AMOT: variants seen among roughly 807,000 people sequenced by gnomAD.
The protein encoded by AMOT is angiomotin.
AMOT carries 11 observed loss-of-function variants against 67.0 expected under a neutral mutation model. That is an observed-to-expected ratio of 0.16 (90% CI 0.10 to 0.27). AMOT has a LOEUF of 0.27. Ranked by LOEUF, AMOT falls within the 10% of genes least tolerant of loss-of-function variation. AMOT has a pLI of 1.00. For synonymous variants in AMOT, 326 were observed against 321.4 expected (o/e 1.01, Z -0.15); for missense variants, 753 against 852.0 (o/e 0.88, Z 1.45).
intron 1 of AMOT, among the ~76,000 whole-genome samples, chrX:112,835,919 A>C (rs1664095407): frequency 9.0e-6 from 1 of 111,296 alleles, no homozygotes; most frequent in African/African-American, 3.3e-5. Context: ...TGTATACCAC[A>C]CCTTTGTTAT....
intron 5 of AMOT, among the ~76,000 whole-genome samples, chrX:112,814,858 C>T (rs1219384157): frequency 8.9e-6 from 1 of 111,870 alleles, no homozygotes; most frequent in East Asian, 2.8e-4. Flanking sequence ...AGAACTCCCA[C>T]TAGGAAAAAG....
At chrX:112,831,560 T>C (rs761189013) in intron 2 of AMOT, among the ~76,000 whole-genome samples, 28 of 109,976 alleles carry the variant, frequency 2.5e-4, no homozygotes, top group Non-Finnish European at 4.4e-4. Context: ...AAAACAGAGG[T>C]ATGAGCTAAT....
chrX:112,815,580 G>T lies in AMOT; in HGVS notation c.1170C>A (p.His390Gln), dbSNP rs1338847715. The change falls in exon 5 of 14, where the codon CAC becomes CAA. Residue 390 changes from histidine to glutamine, a missense_variant. Transcript: ENST00000371959. ...GCTGCTGCTGCTGCTGTTGTTGGTGGTGATGGTGATGATGGTGCTGCTGCT... is the reference window on the plus strand; with the variant it reads ...GCTGCTGCTGCTGCTGTTGTTGGTGTTGATGGTGATGATGGTGCTGCTGCT... ...QQQQQHHHHH[H>Q]HQQQQQQQPQ... 3 of 1,208,229 alleles carry T rather than the reference G, an allele frequency of 2.5e-6. No homozygotes were observed. In the Admixed American group the frequency reaches 6.6e-5, roughly 27 times the overall value.
At chrX:112,797,383 T>G (rs1933858448) in intron 8 of AMOT, among the ~76,000 whole-genome samples, 1 of 111,364 alleles carries the variant, frequency 9.0e-6, no homozygotes, top group African/African-American at 3.3e-5. Context: ...TATACACACA[T>G]GCATGCACAT....
rs771883549 is a variant in AMOT at position 112,808,913 on chromosome X, A to AC, written c.1630+980dup. On this transcript the variant is annotated intron_variant, in intron 7 of 13. Coordinates refer to ENST00000371959, the MANE Select transcript of AMOT (RefSeq NM_001113490.2). Reference sequence around the variant, plus strand: ...GGTACAGGGAAAAGAAAAAGAAAAAACCTGTTCTGAAACCAGAGCACAACA... The same window carrying AC: ...GGTACAGGGAAAAGAAAAAGAAAAAACCCTGTTCTGAAACCAGAGCACAACA... Among the ~76,000 whole-genome samples, 25 of 112,157 alleles carry AC rather than the reference A, an allele frequency of 2.2e-4. No individual in the cohort carries two copies. The South Asian group carries it at 8.2e-3, about 37-fold the overall frequency.
intron 5 of AMOT, among the ~76,000 whole-genome samples, chrX:112,812,791 G>A: frequency 8.9e-6 from 1 of 112,059 alleles, no homozygotes; most frequent in Non-Finnish European, 1.9e-5. Flanking sequence ...GGACACTAGG[G>A]GAAAGGTAAG....
chrX:112,833,260 C>G (rs1423784079), intron 1 of AMOT, among the ~76,000 whole-genome samples: 2 of 110,908 alleles, frequency 1.8e-5, no homozygotes, highest in Non-Finnish European at 3.8e-5. Flanking sequence ...ATCTCAGAAG[C>G]AAGTACTCAC....
rs1932970913 is a variant in AMOT, at chrX:112,777,570, T to G, written c.*997A>C. 2 of 112,468 alleles carry G rather than the reference T, an allele frequency of 1.8e-5. No homozygotes were observed. The highest frequency in any genetic ancestry group is 3.2e-5 in the African/African-American group (1 of 30,918). The allele number at this position is 112,468 out of a possible 1,213,427, so 9.3% of individuals were successfully genotyped here. A position where few individuals can be genotyped will look rare whatever the true frequency, so the allele number is the denominator to read the frequency against. On this transcript the variant is annotated 3_prime_UTR_variant, in exon 14 of 14. Coordinates refer to ENST00000371959, the MANE Select transcript of AMOT (RefSeq NM_001113490.2). ...AAGTAGTCACCAGAAATTCAAAGCA[T>G]TCAACCTGTCAACAAAGATCCTTCC...
intron 8 of AMOT, among the ~76,000 whole-genome samples, chrX:112,803,315 C>T (rs1934071349): frequency 1.8e-5 from 2 of 111,579 alleles, no homozygotes; most frequent in South Asian, 7.6e-4. Flanking sequence ...GCTACTTCTT[C>T]GCAGCAGGTC....
intron 10 of AMOT, among the ~76,000 whole-genome samples, chrX:112,784,750 C>T (rs1933314057): frequency 8.9e-6 from 1 of 112,464 alleles, no homozygotes; most frequent in Admixed American, 9.4e-5. Flanking sequence ...GGAAGCAATT[C>T]CTGTACTGCA....
At position 112,791,974 on chromosome X, in the gene AMOT, T is replaced by C. The variant is rs756257626; in HGVS notation, c.1784A>G (p.Lys595Arg). ...KVVKLEEELK[K>R]KQVYVDKVEK... ...CACCTTGTCAACGTACACTTGCTTC[T>C]TTTTCAGCTGGAAATCCATGTTGGG... Residue 595 changes from lysine (K) to arginine (R), a missense_variant, in exon 9 of 14, where the codon AAG becomes AGG. Coordinates refer to ENST00000371959, the MANE Select transcript of AMOT (RefSeq NM_001113490.2). 4 of 1,208,753 alleles carry C rather than the reference T, an allele frequency of 3.3e-6. No individual in the cohort carries two copies. The highest frequency in any genetic ancestry group is 4.5e-6 in the Non-Finnish European group (4 of 894,476).
Position 112,836,895 on chromosome X carries a change from GAA to G in AMOT, c.-289+3555_-289+3556del, listed in dbSNP as rs5903402. 5.4e-3 allele frequency among the ~76,000 whole-genome samples: 547 copies of G among 101,676 alleles called. 8 individuals are homozygous for G. Among genetic ancestry groups the G allele is most frequent in the African/African-American group, 0.019 (527 of 27,930 alleles). The allele number at this position is 101,676 out of a possible 115,157, so 88.3% of individuals were successfully genotyped here. A position where few individuals can be genotyped will look rare whatever the true frequency, so the allele number is the denominator to read the frequency against. Reference sequence around the variant, plus strand: ...CTGTCCAAACCCATAATTTACAGTGGAAAAAAAAAAACTTAACAGAGGTAGTA... The same window carrying G: ...CTGTCCAAACCCATAATTTACAGTGGAAAAAAAAACTTAACAGAGGTAGTA... On this transcript the variant is annotated intron_variant, in intron 1 of 13. Transcript: ENST00000371959.
At chrX:112,830,097 C>T (rs1363640876) in intron 2 of AMOT, among the ~76,000 whole-genome samples, 3 of 112,170 alleles carry the variant, frequency 2.7e-5, no homozygotes, top group Admixed American at 9.5e-5. Context: ...AATATAAGCA[C>T]AGCATGCATT....
At chrX:112,834,074 A>C (rs779789376) in intron 1 of AMOT, among the ~76,000 whole-genome samples, 299 of 112,234 alleles carry the variant, frequency 2.7e-3, no homozygotes, top group African/African-American at 9.2e-3. Context: ...TCCCTTAAAA[A>C]TAATTTTCAA....
At chrX:112,795,129 A>G (rs1933755363) in intron 8 of AMOT, among the ~76,000 whole-genome samples, 1 of 111,370 alleles carries the variant, frequency 9.0e-6, no homozygotes, top group Non-Finnish European at 1.9e-5. Context: ...CTGCTTTAGG[A>G]GAAAGAAATA....
intron 10 of AMOT, among the ~76,000 whole-genome samples, chrX:112,783,043 C>T (rs1933247578): frequency 9.0e-6 from 1 of 111,141 alleles, no homozygotes; most frequent in African/African-American, 3.3e-5. Context: ...GCCTGTAATC[C>T]TAACGCTTTG....
At chrX:112,810,481 G>C (rs145554809) in intron 6 of AMOT, among the ~76,000 whole-genome samples, 2 of 111,507 alleles carry the variant, frequency 1.8e-5, no homozygotes, top group Admixed American at 1.9e-4. Flanking sequence ...GGCCACGGTG[G>C]GTGGATCACC....
rs771747882 is a variant in AMOT at position 112,799,543 on chromosome X, T to C, written c.1776+5404A>G. Among the ~76,000 whole-genome samples the C allele has an allele frequency of 6.2e-5, 7 of 112,159 alleles. No individual in the cohort carries two copies. In the East Asian group the frequency reaches 1.4e-3, roughly 22 times the overall value. ...ATTCTCCTTCATACCACTGGTTATA[T>C]GTTGCTCCAAGAGCCTGATTTTAGT... On this transcript the variant is annotated intron_variant, in intron 8 of 13. Transcript: ENST00000371959.
chrX:112,790,699 C>A lies in AMOT; in HGVS notation c.2010G>T (p.Arg670Ser). Residue 670 changes from arginine (R) to serine (S), a missense_variant, in exon 10 of 14, where the codon AGG (arginine) becomes AGT (serine). By Grantham distance (110) the Arg-to-Ser change is moderately radical. This residue lies in a region of AMOT where 66 missense variants were observed against 112.9 expected (regional missense o/e 0.58). Transcript: ENST00000371959. ...LMELLREKEERILALEADMTK... is the reference protein window; with the variant it reads ...LMELLREKEESILALEADMTK... Reference sequence around the variant, plus strand: ...TCATATCAGCTTCCAGAGCCAGAATCCTCTCCTCTTTCTCCCGAAGGAGCT... The same window carrying A: ...TCATATCAGCTTCCAGAGCCAGAATACTCTCCTCTTTCTCCCGAAGGAGCT... 2.5e-6 allele frequency: 3 copies of A among 1,211,281 alleles called. No homozygotes were observed. The highest frequency in any genetic ancestry group is 1.8e-5 in the South Asian group (1 of 56,817).
Sources: gnomAD v4.1 joint callset for allele counts (sites outside exome capture counted in the v4.1 genomes callset) on GRCh38, gnomAD v4.1.1 for gene constraint, gnomAD v4.1.1 regional missense constraint, MANE v1.5 for transcripts, NCBI Gene and HGNC (gene_info 2026-07-23, HGNC 2026-07-21) for gene names.